Variants in CABIN1 observed in about 807,000 individuals in gnomAD.
The protein encoded by CABIN1 is calcineurin-binding protein cabin-1.
Under a neutral mutation model 227.7 loss-of-function variants are expected in CABIN1, and 133 were observed. That is an observed-to-expected ratio of 0.58 (90% confidence interval 0.51 to 0.67). The LOEUF is 0.67. Among genes scored for constraint, CABIN1 ranks in the 30% least tolerant of loss-of-function variants. CABIN1 has a pLI of 0.00. For synonymous variants in CABIN1, 1,086 were observed against 1,155.1 expected (o/e 0.94, Z 1.21); for missense variants, 2,408 against 2,852.5 (o/e 0.84, Z 3.55).
At chr22:24,023,827 G>A (rs770952501) in intron 1 of CABIN1, among the ~76,000 whole-genome samples, 1 of 150,848 alleles carries the variant, frequency 6.6e-6, no homozygotes. Context: ...TCTGCCTCCC[G>A]GGCCCAAGCA....
intron 26 of CABIN1, among the ~76,000 whole-genome samples, chr22:24,112,118 A>T (rs747203514): frequency 5.9e-5 from 9 of 152,178 alleles, no homozygotes; most frequent in Admixed American, 1.3e-4. Flanking sequence ...GGTTCTGCTG[A>T]TTGATTTGTC....
chr22:24,162,495 G>C (rs1472545583), intron 29 of CABIN1, among the ~76,000 whole-genome samples: 2 of 152,372 alleles, frequency 1.3e-5, no homozygotes, highest in Non-Finnish European at 2.9e-5. Flanking sequence ...TGAAGATACA[G>C]TAAAGAGATG....
At chr22:24,023,865 C>G (rs569785979) in intron 1 of CABIN1, among the ~76,000 whole-genome samples, 7 of 151,990 alleles carry the variant, frequency 4.6e-5, no homozygotes, top group African/African-American at 1.7e-4. Flanking sequence ...TTCTGAGTAG[C>G]TGGATTACAG....
intron 28 of CABIN1, among the ~76,000 whole-genome samples, chr22:24,127,988 G>T (rs984642118): frequency 2.0e-5 from 3 of 152,018 alleles, no homozygotes; most frequent in Non-Finnish European, 4.4e-5. Flanking sequence ...AATATCCCTG[G>T]TCTCTACCCA....
chr22:24,129,881 C>T (rs1046411486), intron 28 of CABIN1, among the ~76,000 whole-genome samples: 7 of 152,268 alleles, frequency 4.6e-5, no homozygotes, highest in Middle Eastern at 3.4e-3. Flanking sequence ...GATGAGCCAG[C>T]GGGTAGGCAG....
At chr22:24,166,583 AC>A in intron 31 of CABIN1, 55 bp from the exon 32 acceptor site, 1 of 1,608,060 alleles carries the variant, frequency 6.2e-7, no homozygotes, top group Non-Finnish European at 8.5e-7. Flanking sequence ...CCCAGAGGTG[AC>A]TCATTGCAGT....
At chr22:24,158,022 G>A (rs1421040129) in intron 29 of CABIN1, among the ~76,000 whole-genome samples, 1 of 152,178 alleles carries the variant, frequency 6.6e-6, no homozygotes, top group East Asian at 1.9e-4. Flanking sequence ...CAGGCTCCCC[G>A]CCCTCGCCTG....
intron 8 of CABIN1, among the ~76,000 whole-genome samples, chr22:24,053,742 G>A (rs2038553108): frequency 6.6e-6 from 1 of 152,120 alleles, no homozygotes; most frequent in South Asian, 2.1e-4. Context: ...GCAGGGGACT[G>A]TGCTCTGTGC....
rs149239737 is a variant in CABIN1, at chr22:24,113,678, G to C, written c.4230G>C (p.Lys1410Asn). 312 of 1,614,122 alleles carry C rather than the reference G, an allele frequency of 1.9e-4. 1 individual carries two copies. In the African/African-American group the frequency reaches 3.7e-3, roughly 19 times the overall value. Residue 1410 changes from lysine (K) to asparagine (N), a missense_variant, in exon 27 of 37, where the codon AAG becomes AAC. By Grantham distance (94) the Lys-to-Asn change is moderately conservative (BLOSUM62 0). Around this residue, in one of 3 missense-constraint regions of CABIN1, gnomAD observed 649 missense variants for 910.3 expected, o/e 0.71. Coordinates refer to ENST00000263119, the MANE Select transcript of CABIN1 (RefSeq NM_012295.4). ...LEGSRKSYTEKRLPILSSQAG... is the reference protein window; with the variant it reads ...LEGSRKSYTENRLPILSSQAG... ...GCTCCAGGAAATCCTACACAGAGAA[G>C]AGGCTGCCCATTCTCAGTTCCCAAG...
chr22:24,083,226 A>G lies in CABIN1; in HGVS notation c.2749-2A>G. On this transcript the variant is annotated splice_acceptor_variant, in intron 19 of 36. Transcript: ENST00000263119. LOFTEE classifies it high-confidence loss of function. ...TCAGGCCATCTCTTCTGCCCACCAC[A>G]GGTGCGAGTACTCCAGAAGGAACTG... 1.2e-6 allele frequency: 2 copies of G among 1,612,200 alleles called. No homozygotes were observed. Among genetic ancestry groups the G allele is most frequent in the South Asian group, 1.1e-5 (1 of 91,000 alleles).
Position 24,083,228 on chromosome 22 carries a change from G to T in CABIN1, c.2749G>T (p.Val917Leu). The change falls in exon 20 of 37, where the codon GTG (valine) becomes TTG (leucine). Residue 917 changes from valine to leucine, a missense_variant and splice_region_variant. Val to Leu is a conservative substitution (Grantham distance 32). This residue lies in a region of CABIN1 where 1,045 missense variants were observed against 1,168.4 expected (regional missense o/e 0.89). Transcript: ENST00000263119. Reference sequence around the variant, plus strand: ...AGGCCATCTCTTCTGCCCACCACAGGTGCGAGTACTCCAGAAGGAACTGGC... The same window carrying T: ...AGGCCATCTCTTCTGCCCACCACAGTTGCGAGTACTCCAGAAGGAACTGGC... ...NSDGALLRFY[V>L]RVLQKELAAS... The T allele has an allele frequency of 6.2e-7, 1 of 1,612,192 alleles. No individual in the cohort carries two copies. Among genetic ancestry groups the T allele is most frequent in the African/African-American group, 1.3e-5 (1 of 74,968 alleles).
chr22:24,028,201 C>T (rs2036237526), intron 1 of CABIN1, among the ~76,000 whole-genome samples: 1 of 152,156 alleles, frequency 6.6e-6, no homozygotes. Context: ...CCAAAGTAAG[C>T]ACATGCTCTT....
chr22:24,064,252 C>G, intron 15 of CABIN1, 65 bp downstream of exon 15: 2 of 1,566,628 alleles, frequency 1.3e-6, no homozygotes, highest in Non-Finnish European at 1.8e-6. Context: ...GTCGCCTAGG[C>G]TGGAGTGTAA....
intron 13 of CABIN1, 47 bp from the exon 14 acceptor site, chr22:24,062,912 T>G: frequency 1.3e-6 from 2 of 1,585,448 alleles, no homozygotes; most frequent in Non-Finnish European, 1.7e-6. Context: ...CAGAAGGGCA[T>G]TAGAATGCTA....
At chr22:24,032,119 A>G (rs1476744421) in intron 1 of CABIN1, among the ~76,000 whole-genome samples, 1 of 152,208 alleles carries the variant, frequency 6.6e-6, no homozygotes, top group East Asian at 1.9e-4. Flanking sequence ...AAAAGTTGAA[A>G]TGCTATACCC....
At position 24,164,487 on chromosome 22, in the gene CABIN1, G is replaced by T. The variant is rs1418867991; in HGVS notation, c.4834G>T (p.Val1612Leu). The change falls in exon 30 of 37, where the codon GTG (valine) becomes TTG (leucine). Residue 1612 changes from valine (V) to leucine (L), a missense_variant. Transcript: ENST00000263119. ...MNRSIVLLLK[V>L]LAQLRDHSTL... Reference sequence around the variant, plus strand: ...CCGCTCCATCGTGCTGCTGCTCAAGGTGCTGGCCCAGCTGCGGGACCACAG... The same window carrying T: ...CCGCTCCATCGTGCTGCTGCTCAAGTTGCTGGCCCAGCTGCGGGACCACAG... 3.7e-6 allele frequency: 6 copies of T among 1,606,420 alleles called. No homozygotes were observed. Among genetic ancestry groups the T allele is most frequent in the Non-Finnish European group, 5.1e-6 (6 of 1,179,970 alleles).
intron 29 of CABIN1, among the ~76,000 whole-genome samples, chr22:24,140,888 G>T (rs917493868): frequency 6.6e-6 from 1 of 152,168 alleles, no homozygotes; most frequent in Non-Finnish European, 1.5e-5. Flanking sequence ...GCTCAGGTGG[G>T]CAGCCCCCAG....
intron 29 of CABIN1, among the ~76,000 whole-genome samples, chr22:24,149,738 T>C (rs914735422): frequency 1.3e-5 from 2 of 152,150 alleles, no homozygotes; most frequent in African/African-American, 4.8e-5. Flanking sequence ...CCTTGCTGCA[T>C]AGGGATATTG....
intron 7 of CABIN1, 125 bp downstream of exon 7, chr22:24,049,345 C>G (rs974115678): frequency 4.4e-6 from 5 of 1,134,524 alleles, no homozygotes; most frequent in Non-Finnish European, 6.5e-6. Context: ...GGCTTCATGC[C>G]CTGCCGCAGC....
Sources: allele counts gnomAD v4.1 joint callset (sites outside exome capture counted in the v4.1 genomes callset), GRCh38; gene constraint gnomAD v4.1.1; regional missense constraint gnomAD v4.1.1; transcripts MANE v1.5; gene names NCBI Gene and HGNC (gene_info 2026-07-23, HGNC 2026-07-21).